Variants in DCHS2 observed in about 807,000 individuals in gnomAD.
DCHS2 encodes the protein dachsous cadherin-related 2.
DCHS2 carries 142 observed loss-of-function variants against 182.4 expected under a neutral mutation model. The observed-to-expected ratio is 0.78, with a 90% CI of 0.68 to 0.89. DCHS2 has a LOEUF of 0.89. DCHS2 is among the 40% of genes least tolerant of loss of function. The pLI is 0.00. For synonymous variants in DCHS2, 1,740 were observed against 1,663.3 expected (o/e 1.05, Z -1.12); for missense variants, 4,319 against 4,198.6 (o/e 1.03, Z -0.79).
intron 1 of DCHS2, among the ~76,000 whole-genome samples, chr4:154,385,117 C>G (rs1432039159): frequency 7.1e-6 from 1 of 140,744 alleles, no homozygotes; most frequent in Non-Finnish European, 1.5e-5. Flanking sequence ...ATGTTCCCCT[C>G]CTGTGTCCAT....
Position 154,269,900 on chromosome 4 carries a change from C to G in DCHS2, c.6577G>C (p.Gly2193Arg). The G allele has an allele frequency of 6.2e-7, 1 of 1,609,762 alleles. No individual in the cohort carries two copies. The highest frequency in any genetic ancestry group is 8.5e-7 in the Non-Finnish European group (1 of 1,178,412). ...CTAGTATAGGGTAGAGAAGGATTACCTGACTTAGAGCACAGGGAAAGAACT... is the reference window on the plus strand; with the variant it reads ...CTAGTATAGGGTAGAGAAGGATTACGTGACTTAGAGCACAGGGAAAGAACT... Reference protein sequence around the residue: ...DGVLSLCSKSGQLTVKEPKFL... With the variant: ...DGVLSLCSKSRQLTVKEPKFL... The change falls in exon 14 of 20, where the codon GGA becomes CGA. Residue 2193 changes from glycine to arginine, a missense_variant and splice_region_variant. Gly to Arg is a moderately radical substitution (Grantham distance 125). Coordinates refer to ENST00000357232, the MANE Select transcript of DCHS2 (RefSeq NM_001358235.2).
At chr4:154,427,826 T>C (rs1733393974) in intron 1 of DCHS2, among the ~76,000 whole-genome samples, 1 of 152,186 alleles carries the variant, frequency 6.6e-6, no homozygotes, top group African/African-American at 2.4e-5. Context: ...TAACTACCTC[T>C]CTCTCTATCT....
chr4:154,328,962 T>C (rs1433625193), intron 6 of DCHS2, among the ~76,000 whole-genome samples: 3 of 152,224 alleles, frequency 2.0e-5, no homozygotes, highest in Non-Finnish European at 4.4e-5. Flanking sequence ...AACATATTTA[T>C]TAATTATGTG....
chr4:154,406,196 G>C (rs1231078655), intron 1 of DCHS2, among the ~76,000 whole-genome samples: 1 of 152,182 alleles, frequency 6.6e-6, no homozygotes, highest in African/African-American at 2.4e-5. Context: ...ATGGTCCTAT[G>C]GTAAACACCC....
Position 154,389,516 on chromosome 4 carries a change from T to TATATATATATATATA in DCHS2, c.2053-12073_2053-12072insTATATATATATATAT, listed in dbSNP as rs1731575119. On this transcript the variant is annotated intron_variant, in intron 1 of 19. Transcript: ENST00000357232. ...TATGTTCTATTCCTAAAGACAAAGGTTATATATATATATATATATAACCTT... is the reference window on the plus strand; with the variant it reads ...TATGTTCTATTCCTAAAGACAAAGGTATATATATATATATATATATATATATATATATATAACCTT... 1.9e-3 allele frequency among the ~76,000 whole-genome samples: 209 copies of TATATATATATATATA among 111,174 alleles called. 5 individuals are homozygous for TATATATATATATATA. The highest frequency in any genetic ancestry group is 6.1e-3 in the African/African-American group (195 of 32,128). The allele number at this position is 111,174 out of a possible 152,430, so 72.9% of individuals were successfully genotyped here. A position where few individuals can be genotyped will look rare whatever the true frequency, so the allele number is the denominator to read the frequency against.
chr4:154,398,407 A>C (rs977578733), intron 1 of DCHS2, among the ~76,000 whole-genome samples: 1 of 152,186 alleles, frequency 6.6e-6, no homozygotes, highest in African/African-American at 2.4e-5. Context: ...TCAACAAAAC[A>C]TAGTTACTGT....
chr4:154,488,168 A>T (rs968617155), intron 1 of DCHS2, among the ~76,000 whole-genome samples: 2 of 151,676 alleles, frequency 1.3e-5, no homozygotes, highest in African/African-American at 4.8e-5. Context: ...ACAAAGCAAG[A>T]CCTTGTCTCA....
At chr4:154,256,286 A>G (rs1422686670) in intron 15 of DCHS2, among the ~76,000 whole-genome samples, 3 of 152,076 alleles carry the variant, frequency 2.0e-5, no homozygotes, top group Non-Finnish European at 4.4e-5. Context: ...AGCATGCGCC[A>G]CCATGCCCAG....
intron 14 of DCHS2, among the ~76,000 whole-genome samples, chr4:154,266,483 C>T (rs769842134): frequency 6.6e-6 from 1 of 151,708 alleles, no homozygotes; most frequent in African/African-American, 2.4e-5. Flanking sequence ...AGTGAAACCC[C>T]GTCTCTAAAA....
chr4:154,433,672 GC>G (rs1297960895), intron 1 of DCHS2, among the ~76,000 whole-genome samples: 1 of 152,084 alleles, frequency 6.6e-6, no homozygotes, highest in African/African-American at 2.4e-5. Context: ...GGGATTACAG[GC>G]ATGAATCACT....
chr4:154,340,326 A>G lies in DCHS2; in HGVS notation c.2477-5222T>C, dbSNP rs538158024. On this transcript the variant is annotated intron_variant, in intron 3 of 19. Transcript: ENST00000357232. ...GGTTATAATAAACAAACTCTGGAGA[A>G]GCTGTCTATATAAAGCCGAACATGA... Among the ~76,000 whole-genome samples, 5 of 152,356 alleles carry G rather than the reference A, an allele frequency of 3.3e-5. No homozygotes were observed. The South Asian group carries it at 8.3e-4, about 25-fold the overall frequency.
intron 13 of DCHS2, among the ~76,000 whole-genome samples, chr4:154,286,801 G>T (rs72617460): frequency 0.027 from 4,053 of 152,142 alleles, 281 homozygotes; most frequent in Admixed American, 0.16. Flanking sequence ...TTATTCAAAG[G>T]GATGATAACA....
intron 1 of DCHS2, among the ~76,000 whole-genome samples, chr4:154,417,226 A>T (rs1305289784): frequency 8.7e-5 from 13 of 149,200 alleles, no homozygotes; most frequent in Admixed American, 1.3e-4. Context: ...AGAGAGAGAG[A>T]GAGAGAGAGA....
At chr4:154,373,719 C>T (rs1579019891) in intron 2 of DCHS2, among the ~76,000 whole-genome samples, 1 of 152,184 alleles carries the variant, frequency 6.6e-6, no homozygotes, top group Non-Finnish European at 1.5e-5. Flanking sequence ...AGGGTTCCCT[C>T]CTGCACACAG....
At chr4:154,367,808 A>T (rs1322763349) in intron 2 of DCHS2, among the ~76,000 whole-genome samples, 1 of 152,072 alleles carries the variant, frequency 6.6e-6, no homozygotes, top group Non-Finnish European at 1.5e-5. Context: ...CAAGGGACAG[A>T]GGGAGAACTG....
At chr4:154,457,556 G>A (rs1560770750) in intron 1 of DCHS2, among the ~76,000 whole-genome samples, 1 of 152,112 alleles carries the variant, frequency 6.6e-6, no homozygotes, top group Non-Finnish European at 1.5e-5. Context: ...CCCCAAAACA[G>A]CCATGCAAAT....
chr4:154,321,649 G>A (rs995794654), intron 8 of DCHS2, among the ~76,000 whole-genome samples: 6 of 152,170 alleles, frequency 3.9e-5, no homozygotes, highest in African/African-American at 1.4e-4. Context: ...CAAGAAACTG[G>A]AGGTATGACC....
chr4:154,315,607 G>T, intron 10 of DCHS2, 141 bp downstream of exon 10: 1 of 1,254,946 alleles, frequency 8.0e-7, no homozygotes, highest in Non-Finnish European at 1.1e-6. Flanking sequence ...CTGTGTGGAT[G>T]CAAATGAAAG....
At chr4:154,476,819 A>G (rs1054325720) in intron 1 of DCHS2, among the ~76,000 whole-genome samples, 1 of 152,230 alleles carries the variant, frequency 6.6e-6, no homozygotes, top group South Asian at 2.1e-4. Flanking sequence ...ATATATGATA[A>G]GAGATATTAT....
Sources: allele counts gnomAD v4.1 joint callset (sites outside exome capture counted in the v4.1 genomes callset), GRCh38; gene constraint gnomAD v4.1.1; transcripts MANE v1.5; gene names NCBI Gene and HGNC (gene_info 2026-07-23, HGNC 2026-07-21).